Variants in GNE observed in about 807,000 individuals in gnomAD.
GNE encodes the protein glucosamine (UDP-N-acetyl)-2-epimerase/N-acetylmannosamine kinase, also known as bifunctional UDP-N-acetylglucosamine 2-epimerase/N-acetylmannosamine kinase.
Under a neutral mutation model 61.8 loss-of-function variants are expected in GNE, and 41 were observed. That is an observed-to-expected ratio of 0.66 (90% CI 0.52 to 0.86). The LOEUF (loss-of-function observed/expected upper bound fraction) is 0.86. GNE is among the 40% of genes least tolerant of loss of function. The pLI is 0.00. For missense variants in GNE, 608 were observed against 909.1 expected (o/e 0.67, Z 4.26); for synonymous variants, 264 against 326.4 (o/e 0.81, Z 2.06).
At chr9:36,275,210 A>G (rs1300800723) in intron 1 of GNE, among the ~76,000 whole-genome samples, 1 of 152,102 alleles carries the variant, frequency 6.6e-6, no homozygotes, top group Non-Finnish European at 1.5e-5. Flanking sequence ...CTTCCGTCCT[A>G]ATTCTCAGTG....
upstream of GNE, among the ~76,000 whole-genome samples, chr9:36,260,372 A>G (rs1306818090): frequency 6.6e-6 from 1 of 151,948 alleles, no homozygotes; most frequent in African/African-American, 2.4e-5. Context: ...TAAGATGAGA[A>G]AGGCTGGGAG....
chr9:36,221,503 T>G (rs1429972119), intron 9 of GNE, among the ~76,000 whole-genome samples: 1 of 150,464 alleles, frequency 6.6e-6, no homozygotes, highest in South Asian at 2.1e-4. Flanking sequence ...TAAAATAGAG[T>G]AAAAAAACAA....
intron 1 of GNE, among the ~76,000 whole-genome samples, chr9:36,264,709 T>G (rs964743537): frequency 2.0e-5 from 3 of 152,134 alleles, no homozygotes; most frequent in Admixed American, 2.0e-4. Context: ...CCTTTAAACA[T>G]GGGGCTTGCA....
intron 9 of GNE, 48 bp downstream of exon 9, chr9:36,222,729 C>G: frequency 8.3e-7 from 1 of 1,206,716 alleles, no homozygotes; most frequent in Non-Finnish European, 1.2e-6. Context: ...AAGACATGCT[C>G]CAATATACAT....
intron 3 of GNE, among the ~76,000 whole-genome samples, chr9:36,240,459 ACT>A (rs1413814018): frequency 6.6e-6 from 1 of 152,244 alleles, no homozygotes; most frequent in East Asian, 1.9e-4. Flanking sequence ...CATCACATTT[ACT>A]GACTTGTATA....
At chr9:36,256,759 A>T (rs575986862) in intron 1 of GNE, among the ~76,000 whole-genome samples, 3 of 152,324 alleles carry the variant, frequency 2.0e-5, no homozygotes, top group Non-Finnish European at 4.4e-5. Context: ...ACAACAGTAA[A>T]CATTTGCTGA....
chr9:36,256,099 G>T (rs1396765492), intron 1 of GNE, among the ~76,000 whole-genome samples: 1 of 151,886 alleles, frequency 6.6e-6, no homozygotes, highest in Non-Finnish European at 1.5e-5. Context: ...TAATTTTTTT[G>T]TATTTTTAGT....
At chr9:36,246,658 TTC>T (rs1017846002) in intron 2 of GNE, among the ~76,000 whole-genome samples, 176 bp from the exon 3 acceptor site, 4 of 148,030 alleles carry the variant, frequency 2.7e-5, no homozygotes, top group African/African-American at 1.0e-4. Flanking sequence ...CTGATTAAGA[TTC>T]TTTTTTTTTT....
Position 36,233,770 on chromosome 9 carries a change from T to G in GNE, c.982+150A>C, listed in dbSNP as rs968834340. 5 of 755,408 alleles carry G rather than the reference T, an allele frequency of 6.6e-6. No individual in the cohort carries two copies. The African/African-American group carries it at 8.5e-5, about 13-fold the overall frequency. The allele number at this position is 755,408 out of a possible 1,614,324, so 46.8% of individuals were successfully genotyped here. On this transcript the variant is annotated intron_variant, in intron 5 of 11. Transcript: ENST00000642385. ...TTTGGTAATCACTGTGTGCTATTTA[T>G]CGACTATAGATTTTAGGCTTCAACT...
chr9:36,228,016 G>A (rs1236289457), intron 6 of GNE, among the ~76,000 whole-genome samples: 2 of 126,134 alleles, frequency 1.6e-5, no homozygotes, highest in Admixed American at 9.4e-5. Flanking sequence ...CTGGATGACA[G>A]AGCAAGACTC....
chr9:36,218,218 A>G lies in GNE; in HGVS notation c.1898T>C (p.Leu633Pro). The G allele has an allele frequency of 6.2e-7, 1 of 1,614,052 alleles. No homozygotes were observed. The highest frequency in any genetic ancestry group is 8.5e-7 in the Non-Finnish European group (1 of 1,179,942). ...GALHLIQAAK[L>P]GNAKAQSILR... ...GATGCTCTGGGCCTTCGCATTGCCA[A>G]GTTTCGCAGCTTGGATGAGATGGAG... The change falls in exon 11 of 12, where the codon CTT becomes CCT. Residue 633 changes from leucine to proline, a missense_variant. Physicochemically the swap from Leu to Pro is moderately conservative, Grantham distance 98. Coordinates refer to ENST00000642385, the MANE Select transcript of GNE (RefSeq NM_005476.7). This position sits in a 1 kb window ranked among gnomAD's most constrained non-coding sequence, Gnocchi z 4.1.
At chr9:36,260,868 CAAAAAAAAAAAAAAA>C (rs745821430), upstream of GNE, among the ~76,000 whole-genome samples, 8 of 96,038 alleles carry the variant, frequency 8.3e-5, no homozygotes, top group East Asian at 4.0e-4. Flanking sequence ...GACTCTATCT[CAAAAAAAAAAAAAAA>C]AAAAAAAAAA....
intron 1 of GNE, among the ~76,000 whole-genome samples, chr9:36,251,211 A>G (rs906911810): frequency 2.0e-5 from 3 of 152,078 alleles, no homozygotes; most frequent in Admixed American, 6.6e-5. Context: ...CCTTTCTGGA[A>G]AGGCTTCACA....
chr9:36,274,529 C>G (rs932176233), intron 1 of GNE, among the ~76,000 whole-genome samples: 2 of 152,138 alleles, frequency 1.3e-5, no homozygotes, highest in African/African-American at 4.8e-5. Context: ...CTGTTGGTCA[C>G]TGCCTTATTC....
At chr9:36,273,590 C>A (rs983313872) in intron 1 of GNE, among the ~76,000 whole-genome samples, 2 of 151,934 alleles carry the variant, frequency 1.3e-5, no homozygotes. Flanking sequence ...ACATTTCTTA[C>A]CCTACCTGTT....
rs768397785 is a variant in GNE at position 36,249,275 on chromosome 9, C to T, written c.81G>A (p.Pro27=). 5 of 1,614,090 alleles carry T rather than the reference C, an allele frequency of 3.1e-6. No homozygotes were observed. The highest frequency in any genetic ancestry group is 2.2e-5 in the East Asian group (1 of 44,886). Residue 27 remains proline, a synonymous_variant, in exon 2 of 12, where the codon CCG becomes CCA. Coordinates refer to ENST00000642385, the MANE Select transcript of GNE (RefSeq NM_005476.7). The part of the protein sequence containing the change: ...CNRADYSKLA[P]IMFGIKTEPE... ...GTTCGGTTTTAATGCCAAACATGATCGGGGCAAGTTTAGAATAATCTGCAC... is the reference window on the plus strand; with the variant it reads ...GTTCGGTTTTAATGCCAAACATGATTGGGGCAAGTTTAGAATAATCTGCAC...
chr9:36,265,788 C>T (rs551781799), intron 1 of GNE, among the ~76,000 whole-genome samples: 1 of 152,292 alleles, frequency 6.6e-6, no homozygotes, highest in East Asian at 1.9e-4. Context: ...CAACCTAGGT[C>T]CCTAGCATGC....
chr9:36,249,501 T>G, intron 1 of GNE, 104 bp from the exon 2 acceptor site: 1 of 725,556 alleles, frequency 1.4e-6, no homozygotes, highest in Non-Finnish European at 2.3e-6. Context: ...TTTCAAGTCC[T>G]TAACCACTAT....
In GNE at chr9:36,253,131, C is replaced by T. The variant is rs1174012393; in HGVS notation, c.-42-3734G>A. ...GAGCCAAGATGGTGCCACTGCACTC[C>T]AACCTGGGCAACAGAATAAGTCTCT... On this transcript the variant is annotated intron_variant, in intron 1 of 11. Coordinates refer to ENST00000642385, the MANE Select transcript of GNE (RefSeq NM_005476.7). Among the ~76,000 whole-genome samples, 3 of 151,922 alleles carry T rather than the reference C, an allele frequency of 2.0e-5. No homozygotes were observed. The East Asian group carries it at 5.8e-4, about 29-fold the overall frequency.
Sources: allele counts gnomAD v4.1 joint callset (sites outside exome capture counted in the v4.1 genomes callset), GRCh38; gene constraint gnomAD v4.1.1; non-coding constraint Gnocchi (gnomAD v3.1); transcripts MANE v1.5; gene names NCBI Gene and HGNC (gene_info 2026-07-23, HGNC 2026-07-21).